GAD1: variants seen among roughly 807,000 people sequenced by gnomAD.
The protein encoded by GAD1 is glutamate decarboxylase 1.
In GAD1, 35 loss-of-function variants were observed where a neutral mutation model predicts 75.2. The ratio of observed to expected loss-of-function variants is 0.47; its 90% CI spans 0.36 to 0.62. GAD1 has a LOEUF of 0.62. Among genes scored for constraint, GAD1 ranks in the 20% least tolerant of loss-of-function variants. The pLI is 0.00. For synonymous variants in GAD1, 257 were observed against 271.9 expected (o/e 0.95, Z 0.54); for missense variants, 490 against 758.5 (o/e 0.65, Z 4.16).
chr2:170,821,188 T>A (rs969070860), intron 2 of GAD1, among the ~76,000 whole-genome samples: 1 of 152,160 alleles, frequency 6.6e-6, no homozygotes, highest in African/African-American at 2.4e-5. Flanking sequence ...GGGGATTTCG[T>A]GCTGGGCTCA....
At chr2:170,856,218 C>T (rs1208385785) in intron 14 of GAD1, among the ~76,000 whole-genome samples, 1 of 152,232 alleles carries the variant, frequency 6.6e-6, no homozygotes, top group Non-Finnish European at 1.5e-5. Flanking sequence ...CACCGACCCA[C>T]TCAACAACCC....
chr2:170,845,985 T>G (rs745816604), intron 9 of GAD1, 24 bp from the exon 10 acceptor site: 1 of 1,607,730 alleles, frequency 6.2e-7, no homozygotes, highest in Non-Finnish European at 8.5e-7. Flanking sequence ...CATTTTAATT[T>G]CCCTCCTTTT....
intron 3 of GAD1, 34 bp from the exon 4 acceptor site, chr2:170,829,441 C>T (rs2105775446): frequency 6.2e-7 from 1 of 1,611,406 alleles, no homozygotes; most frequent in African/African-American, 1.3e-5. Flanking sequence ...GGGCAGTTTG[C>T]AGCACTCTCT....
chr2:170,852,637 A>G (rs1702767991), intron 12 of GAD1, 77 bp from the exon 13 acceptor site: 4 of 1,183,566 alleles, frequency 3.4e-6, no homozygotes. Context: ...TTGAGTTGGA[A>G]TGGGTGTTTT....
At chr2:170,814,086 C>G (rs1162970771), upstream of GAD1, among the ~76,000 whole-genome samples, 7 of 152,126 alleles carry the variant, frequency 4.6e-5, no homozygotes, top group East Asian at 1.3e-3. Flanking sequence ...AATCCTCCCC[C>G]AGGAATGATA....
intron 7 of GAD1, 106 bp downstream of exon 7, chr2:170,844,263 C>G: frequency 2.8e-6 from 2 of 723,408 alleles, no homozygotes; most frequent in Non-Finnish European, 5.0e-6. Flanking sequence ...TTTTGGATAC[C>G]CTGACTTCCT....
upstream of GAD1, among the ~76,000 whole-genome samples, chr2:170,814,358 C>T (rs75253426): frequency 1.0e-3 from 153 of 152,300 alleles, 2 homozygotes; most frequent in East Asian, 0.018. Flanking sequence ...GAAGGACGGG[C>T]GCTGTCCTTC....
intron 6 of GAD1, among the ~76,000 whole-genome samples, chr2:170,843,575 G>A (rs1383368250): frequency 6.7e-6 from 1 of 148,792 alleles, no homozygotes; most frequent in Non-Finnish European, 1.5e-5. Context: ...ATAGACTTTG[G>A]CTCTGGCTTT....
At chr2:170,848,839 C>T (rs781034348) in intron 11 of GAD1, 3 of 517,984 alleles carry the variant, frequency 5.8e-6, no homozygotes, top group African/African-American at 1.9e-5. Context: ...GTTGTGAGAC[C>T]TCCAAACCCA....
rs150574956 is a variant in GAD1 at position 170,825,706 on chromosome 2, G to A, written c.145+3557G>A. On this transcript the variant is annotated intron_variant, in intron 3 of 16. Coordinates refer to ENST00000358196, the MANE Select transcript of GAD1 (RefSeq NM_000817.3). ...CAGCAGGAGCTCCCCTCAGCTCAGA[G>A]GTGGAGTCATGATTTTTCTCCCCTT... is the stretch of plus-strand genomic sequence containing the variant. 5.1e-3 allele frequency among the ~76,000 whole-genome samples: 778 copies of A among 152,324 alleles called. 3 individuals are homozygous for A. Among genetic ancestry groups the A allele is most frequent in the Middle Eastern group, 0.01 (3 of 294 alleles).
At chr2:170,814,386 C>T (rs1463717604), upstream of GAD1, among the ~76,000 whole-genome samples, 1 of 152,154 alleles carries the variant, frequency 6.6e-6, no homozygotes, top group Non-Finnish European at 1.5e-5. Flanking sequence ...AAGATCTATG[C>T]CCTACCTCAA....
chr2:170,821,980 G>GC, intron 2 of GAD1, 107 bp from the exon 3 acceptor site: 1 of 954,932 alleles, frequency 1.0e-6, no homozygotes, highest in Non-Finnish European at 1.6e-6. Context: ...TTAATGAAGA[G>GC]CTCTGGCAAA....
intron 5 of GAD1, among the ~76,000 whole-genome samples, chr2:170,835,925 G>GT (rs527631483): frequency 1.9e-4 from 29 of 152,026 alleles, no homozygotes; most frequent in Non-Finnish European, 2.8e-4. Flanking sequence ...GCTTCTTTTA[G>GT]TTTTTTCTAA....
chr2:170,828,602 TTCCCTCTGTTGTCCTTGCCCTCC>T (rs1702113572), intron 3 of GAD1, among the ~76,000 whole-genome samples: 1 of 100,900 alleles, frequency 9.9e-6, no homozygotes, highest in African/African-American at 3.9e-5. Flanking sequence ...ACCCCTCCTC[TTCCCTCTGTTGTCCTTGCCCTCC>T]TCCCTCTGCT....
At chr2:170,832,510 C>T (rs1702256313) in intron 5 of GAD1, among the ~76,000 whole-genome samples, 1 of 152,152 alleles carries the variant, frequency 6.6e-6, no homozygotes, top group Non-Finnish European at 1.5e-5. Context: ...ACCCGATTTC[C>T]AAATAAGGTC....
At chr2:170,816,083 T>C (rs879287029), upstream of GAD1, 84 of 152,218 alleles carry the variant, frequency 5.5e-4, no homozygotes, top group Non-Finnish European at 1.1e-3. Context: ...ACCTCTGTGC[T>C]CGGGTGCCCC....
At chr2:170,816,752 A>C (rs1701706229), upstream of GAD1, 1 of 152,552 alleles carries the variant, frequency 6.6e-6, no homozygotes, top group Non-Finnish European at 1.5e-5. Flanking sequence ...AGGCACCTGC[A>C]GAGGAGCCCC....
intron 12 of GAD1, among the ~76,000 whole-genome samples, chr2:170,851,483 C>G (rs954126292): frequency 2.6e-5 from 4 of 152,156 alleles, no homozygotes; most frequent in African/African-American, 4.8e-5. Flanking sequence ...AGACCTTCCT[C>G]TCTTCTCCTT....
Position 170,857,140 on chromosome 2 carries a change from T to C in GAD1, c.1521+15T>C, listed in dbSNP as rs368040195. The C allele has an allele frequency of 2.5e-6, 4 of 1,586,520 alleles. No individual in the cohort carries two copies. The African/African-American group carries it at 5.4e-5, about 21-fold the overall frequency. On this transcript the variant is annotated intron_variant, in intron 15 of 16. Coordinates refer to ENST00000358196, the MANE Select transcript of GAD1 (RefSeq NM_000817.3). The stretch of plus-strand genomic sequence containing the variant: ...TCAATGGCGAGGTAGGTAATCATCA[T>C]GGACCAGGTACACAGTATTTCCAGA...
Sources: gnomAD v4.1 joint callset for allele counts (sites outside exome capture counted in the v4.1 genomes callset) on GRCh38, gnomAD v4.1.1 for gene constraint, MANE v1.5 for transcripts, NCBI Gene and HGNC (gene_info 2026-07-23, HGNC 2026-07-21) for gene names.